ADCY9: variants seen among roughly 807,000 people sequenced by gnomAD.
ADCY9 encodes adenylate cyclase 9.
Under a neutral mutation model 101.5 loss-of-function variants are expected in ADCY9, and 50 were observed. That is an observed-to-expected ratio of 0.49 (90% CI 0.39 to 0.62). The LOEUF (loss-of-function observed/expected upper bound fraction) is 0.62, where lower values mean the gene tolerates loss of function less well. Among genes scored for constraint, ADCY9 ranks in the 20% least tolerant of loss-of-function variants. The probability of loss-of-function intolerance (pLI) is 0.00; values close to 1 mark genes in which losing one functional copy is unlikely to be tolerated. For synonymous variants in ADCY9, 905 were observed against 769.3 expected (o/e 1.18, Z -2.92); for missense variants, 1,662 against 1,800.4 (o/e 0.92, Z 1.39).
intron 3 of ADCY9, among the ~76,000 whole-genome samples, chr16:4,002,683 C>T (rs1409522708): frequency 6.6e-6 from 1 of 152,214 alleles, no homozygotes; most frequent in African/African-American, 2.4e-5. Context: ...GTTCCCTGAT[C>T]AGAAGTAATG....
chr16:4,110,375 A>ATT (rs2057106074), intron 2 of ADCY9, among the ~76,000 whole-genome samples: 1 of 88,596 alleles, frequency 1.1e-5, no homozygotes, highest in Non-Finnish European at 2.4e-5. Context: ...ACTTATACCT[A>ATT]CTTTTTTTTT....
chr16:4,095,844 T>G (rs966255289), intron 2 of ADCY9, among the ~76,000 whole-genome samples: 24 of 151,766 alleles, frequency 1.6e-4, no homozygotes, highest in African/African-American at 4.8e-4. Context: ...GGGCATGATG[T>G]TGCATGACTA....
Position 3,992,423 on chromosome 16 carries a change from C to G in ADCY9, c.1990-60G>C. On this transcript the variant is annotated intron_variant, in intron 4 of 10. Coordinates refer to ENST00000294016, the MANE Select transcript of ADCY9 (RefSeq NM_001116.4). This position sits in a 1 kb window ranked among gnomAD's most constrained non-coding sequence, Gnocchi z 4.2. ...GTGAAGTGGCACCGGGCACTGGGCA[C>G]ACACGCCTGTCCCACCCCGACCTCC... The G allele has an allele frequency of 6.7e-7, 1 of 1,500,520 alleles. No individual in the cohort carries two copies. The highest frequency in any genetic ancestry group is 9.2e-7 in the Non-Finnish European group (1 of 1,089,810). 93.0% of individuals were successfully genotyped at this position (1,500,520 alleles called of 1,614,324 possible). A position where few individuals can be genotyped will look rare whatever the true frequency, so the allele number is the denominator to read the frequency against.
intron 6 of ADCY9, among the ~76,000 whole-genome samples, chr16:3,986,284 C>T (rs1161499066): frequency 2.0e-5 from 3 of 152,162 alleles, no homozygotes; most frequent in Non-Finnish European, 4.4e-5. Flanking sequence ...AGTCCCCAAA[C>T]GCGGGCCAGC....
intron 9 of ADCY9, among the ~76,000 whole-genome samples, chr16:3,975,726 T>C (rs2056087564): frequency 6.6e-6 from 1 of 152,226 alleles, no homozygotes; most frequent in Non-Finnish European, 1.5e-5. Context: ...CCCTCTGTAA[T>C]TGTAAACAGG....
At chr16:4,017,854 C>T (rs768581299) in intron 2 of ADCY9, among the ~76,000 whole-genome samples, 3 of 152,194 alleles carry the variant, frequency 2.0e-5, no homozygotes, top group African/African-American at 7.2e-5. Context: ...CTATTGTAGT[C>T]CAACCTAAAA....
chr16:4,083,238 A>AT (rs1344311320), intron 2 of ADCY9, among the ~76,000 whole-genome samples: 1 of 152,192 alleles, frequency 6.6e-6, no homozygotes, highest in African/African-American at 2.4e-5. Context: ...TAACATGCTT[A>AT]TTTTATCAAA....
intron 2 of ADCY9, among the ~76,000 whole-genome samples, chr16:4,032,322 CAAG>C (rs2056561137): frequency 6.6e-6 from 1 of 151,552 alleles, no homozygotes; most frequent in Admixed American, 6.6e-5. Flanking sequence ...GAAAGAAAAC[CAAG>C]AAGAGCAGAG....
chr16:4,110,830 G>A lies in ADCY9; in HGVS notation c.1693+2920C>T, dbSNP rs564056691. ...AACTCCGGGTGTGGCCATGGCGACA[G>A]TAAACTAACAAGGCACACTGGTGGG... On this transcript the variant is annotated intron_variant, in intron 2 of 10. Coordinates refer to ENST00000294016, the MANE Select transcript of ADCY9 (RefSeq NM_001116.4). 6.6e-5 allele frequency among the ~76,000 whole-genome samples: 10 copies of A among 152,328 alleles called. No individual in the cohort carries two copies. The South Asian group carries it at 2.1e-3, about 32-fold the overall frequency.
chr16:4,037,312 T>C (rs1189925944), intron 2 of ADCY9, among the ~76,000 whole-genome samples: 1 of 152,118 alleles, frequency 6.6e-6, no homozygotes, highest in Non-Finnish European at 1.5e-5. Flanking sequence ...AGCAAGACTC[T>C]TCTCTAAAAA....
chr16:3,987,417 C>A (rs2056202725), intron 6 of ADCY9, among the ~76,000 whole-genome samples: 2 of 152,224 alleles, frequency 1.3e-5, no homozygotes, highest in African/African-American at 4.8e-5. Flanking sequence ...CCTGGTTTGG[C>A]AGCCAGACCA....
rs2056256578 is a variant in ADCY9 at position 3,992,855 on chromosome 16, C to A, written c.1990-492G>T. Among the ~76,000 whole-genome samples, 1 of 152,110 alleles carries A rather than the reference C, an allele frequency of 6.6e-6. No individual in the cohort carries two copies. Among genetic ancestry groups the A allele is most frequent in the Non-Finnish European group, 1.5e-5 (1 of 68,012 alleles). On this transcript the variant is annotated intron_variant, in intron 4 of 10. Coordinates refer to ENST00000294016, the MANE Select transcript of ADCY9 (RefSeq NM_001116.4). The surrounding 1 kb of genome is among the most constrained non-coding windows in gnomAD (Gnocchi z 4.2). ...TGGGAAGGCATGGGATGACCTGCAC[C>A]TGCAATCCTTTGGCAGATGGAGAGC...
At chr16:3,984,330 C>G (rs1270067304) in intron 6 of ADCY9, among the ~76,000 whole-genome samples, 1 of 152,160 alleles carries the variant, frequency 6.6e-6, no homozygotes, top group Non-Finnish European at 1.5e-5. Flanking sequence ...AGTGGCACAT[C>G]ATCGCCTGGG....
intron 2 of ADCY9, among the ~76,000 whole-genome samples, chr16:4,025,104 T>C (rs1231503325): frequency 2.0e-5 from 3 of 152,140 alleles, no homozygotes; most frequent in Non-Finnish European, 4.4e-5. Context: ...GGCTAAAGCC[T>C]GTAATCCCAG....
intron 5 of ADCY9, among the ~76,000 whole-genome samples, chr16:3,956,877 C>G (rs902467047): frequency 6.6e-6 from 1 of 152,098 alleles, no homozygotes; most frequent in African/African-American, 2.4e-5. Flanking sequence ...TTTGGTTACT[C>G]TGTAGACACC....
chr16:4,087,825 C>CTT (rs1227507578), intron 2 of ADCY9, among the ~76,000 whole-genome samples: 3 of 149,592 alleles, frequency 2.0e-5, no homozygotes, highest in African/African-American at 7.6e-5. Flanking sequence ...CTTTCTCTCT[C>CTT]TCTCTTCCTT....
At chr16:4,064,356 T>C (rs778562127) in intron 2 of ADCY9, among the ~76,000 whole-genome samples, 4 of 152,202 alleles carry the variant, frequency 2.6e-5, no homozygotes, top group Admixed American at 1.3e-4. Context: ...AAGCTTTTTG[T>C]AGAAATTAAC....
chr16:3,958,717 G>C (rs1483646172), downstream of ADCY9, among the ~76,000 whole-genome samples: 1 of 132,446 alleles, frequency 7.6e-6, no homozygotes, highest in Admixed American at 8.3e-5. Flanking sequence ...TGTCGCCCAG[G>C]CTGGAGTGCA....
intron 2 of ADCY9, among the ~76,000 whole-genome samples, chr16:4,024,887 G>A (rs371915481): frequency 2.0e-5 from 3 of 152,146 alleles, no homozygotes; most frequent in Non-Finnish European, 2.9e-5. Context: ...ACGCTCAAGC[G>A]ATAGGGACAA....
Sources: allele counts gnomAD v4.1 joint callset (sites outside exome capture counted in the v4.1 genomes callset), GRCh38; gene constraint gnomAD v4.1.1; non-coding constraint Gnocchi (gnomAD v3.1); transcripts MANE v1.5; gene names NCBI Gene and HGNC (gene_info 2026-07-23, HGNC 2026-07-21).